Variants in ANKRD30BL observed in about 807,000 individuals in gnomAD.
ANKRD30BL encodes ankyrin repeat domain 30B like.
Under a neutral mutation model 18.4 loss-of-function variants are expected in ANKRD30BL, and 20 were observed. The observed-to-expected ratio is 1.09, with a 90% CI of 0.77 to 1.58. ANKRD30BL has a LOEUF of 1.58. ANKRD30BL is among the 40% of genes most tolerant of loss of function. The probability of loss-of-function intolerance (pLI) is 0.00; values close to 1 mark genes in which losing one functional copy is unlikely to be tolerated. For synonymous variants in ANKRD30BL, 72 were observed against 100.9 expected (o/e 0.71, Z 1.72); for missense variants, 224 against 268.6 (o/e 0.83, Z 1.16).
chr2:132,236,105 A>G (rs1680143493), intron 1 of ANKRD30BL, among the ~76,000 whole-genome samples: 1 of 152,124 alleles, frequency 6.6e-6, no homozygotes, highest in Admixed American at 6.6e-5. Context: ...TCCCTATTTA[A>G]TAAATGGTGC....
Position 132,222,698 on chromosome 2 carries a change from C to A in ANKRD30BL, n.441+34831G>T, listed in dbSNP as rs188536114. Among the ~76,000 whole-genome samples the A allele has an allele frequency of 3.1e-3, 465 of 151,862 alleles. 4 individuals carry two copies. The highest frequency in any genetic ancestry group is 1.4e-3 in the Non-Finnish European group (94 of 67,940). On this transcript the variant is annotated intron_variant and non_coding_transcript_variant, in intron 1 of 4. Coordinates refer to the ANKRD30BL transcript ENST00000470729. ...TAAGTACCCAGGGACACAAACATTG[C>A]GGAAGGCCGCAGGGTCCTCTGCCTA...
At chr2:132,220,195 C>A (rs1034055992) in intron 1 of ANKRD30BL, among the ~76,000 whole-genome samples, 2 of 152,114 alleles carry the variant, frequency 1.3e-5, no homozygotes, top group Non-Finnish European at 2.9e-5. Flanking sequence ...TAGAAGCATT[C>A]TCAGAAACTT....
chr2:132,202,033 A>C (rs1221008221), intron 1 of ANKRD30BL, among the ~76,000 whole-genome samples: 3 of 152,200 alleles, frequency 2.0e-5, no homozygotes, highest in Admixed American at 2.0e-4. Flanking sequence ...TCAGTAAACT[A>C]TCGCAAGAAC....
chr2:132,247,420 A>C (rs985062904), intron 1 of ANKRD30BL, among the ~76,000 whole-genome samples: 32 of 151,752 alleles, frequency 2.1e-4, no homozygotes, highest in Non-Finnish European at 3.8e-4. Flanking sequence ...CAGTTTTGAA[A>C]TTTCCTATTT....
At chr2:132,241,680 T>G (rs1324349070) in intron 1 of ANKRD30BL, among the ~76,000 whole-genome samples, 1 of 151,618 alleles carries the variant, frequency 6.6e-6, no homozygotes, top group African/African-American at 2.4e-5. Context: ...GAAACGGGAA[T>G]AGCTTCACAC....
chr2:132,191,898 C>A (rs183894799), intron 1 of ANKRD30BL, among the ~76,000 whole-genome samples: 2 of 151,884 alleles, frequency 1.3e-5, no homozygotes, highest in Non-Finnish European at 2.9e-5. Flanking sequence ...CTCACCACCA[C>A]GCCTGGCTAA....
chr2:132,204,692 A>G (rs1372276288), intron 1 of ANKRD30BL, among the ~76,000 whole-genome samples: 1 of 152,166 alleles, frequency 6.6e-6, no homozygotes, highest in Non-Finnish European at 1.5e-5. Context: ...GAAACAGCTG[A>G]ACTTAATAAT....
At chr2:132,171,736 G>A (rs1462733773) in intron 1 of ANKRD30BL, among the ~76,000 whole-genome samples, 1 of 152,040 alleles carries the variant, frequency 6.6e-6, no homozygotes, top group Non-Finnish European at 1.5e-5. Flanking sequence ...TACACATACT[G>A]TACAATTTAT....
chr2:132,213,811 G>T (rs979791438), intron 1 of ANKRD30BL, among the ~76,000 whole-genome samples: 2 of 151,358 alleles, frequency 1.3e-5, no homozygotes, highest in African/African-American at 2.4e-5. Context: ...GGAAAAGGAA[G>T]TAACTTCCCA....
intron 4 of ANKRD30BL, 65 bp from the exon 5 acceptor site, chr2:132,151,041 A>G (rs1359611076): frequency 2.0e-6 from 1 of 503,586 alleles, no homozygotes; most frequent in Admixed American, 3.8e-5. Flanking sequence ...TATTTACCAA[A>G]TTTATTACAT....
chr2:132,208,589 C>G (rs1363861202), intron 1 of ANKRD30BL, among the ~76,000 whole-genome samples: 1 of 151,990 alleles, frequency 6.6e-6, no homozygotes, highest in Non-Finnish European at 1.5e-5. Flanking sequence ...AGTGAAGACA[C>G]TCTGCCTGGA....
chr2:132,181,871 G>A (rs1688469518), intron 1 of ANKRD30BL, among the ~76,000 whole-genome samples: 1 of 152,074 alleles, frequency 6.6e-6, no homozygotes, highest in Admixed American at 6.5e-5. Flanking sequence ...CAACACTTTG[G>A]GAGGCCAAGG....
chr2:132,185,967 T>A (rs1476435558), intron 1 of ANKRD30BL, among the ~76,000 whole-genome samples: 1 of 151,854 alleles, frequency 6.6e-6, no homozygotes, highest in Non-Finnish European at 1.5e-5. Flanking sequence ...ATGGTAAAAC[T>A]CCATGTTTAC....
chr2:132,155,403 C>G (rs779692104), intron 3 of ANKRD30BL: 1 of 152,154 alleles, frequency 6.6e-6, no homozygotes, highest in Non-Finnish European at 1.5e-5. Flanking sequence ...CTGGCTGATA[C>G]AAACTCACTT....
chr2:132,174,967 CATT>C (rs1373935133), intron 1 of ANKRD30BL, among the ~76,000 whole-genome samples: 1 of 152,142 alleles, frequency 6.6e-6, no homozygotes. Context: ...TCAATACAAA[CATT>C]AGCCCCAAAT....
chr2:132,232,476 A>C (rs575020196), intron 1 of ANKRD30BL, among the ~76,000 whole-genome samples: 2 of 152,176 alleles, frequency 1.3e-5, no homozygotes, highest in Non-Finnish European at 2.9e-5. Context: ...TAACCAATAG[A>C]GAGAAGTGCT....
At chr2:132,218,906 T>C (rs147444484) in intron 1 of ANKRD30BL, among the ~76,000 whole-genome samples, 6 of 152,084 alleles carry the variant, frequency 3.9e-5, no homozygotes, top group Admixed American at 6.6e-5. Flanking sequence ...TTTTAAACAC[T>C]CTTTTTGTGG....
At chr2:132,181,255 C>A (rs1277813884) in intron 1 of ANKRD30BL, among the ~76,000 whole-genome samples, 1 of 151,988 alleles carries the variant, frequency 6.6e-6, no homozygotes, top group East Asian at 1.9e-4. Context: ...GGGCGGATTG[C>A]CTGAGCTCAG....
intron 4 of ANKRD30BL, 21 bp from the exon 5 acceptor site, chr2:132,150,997 A>T (rs1207635621): frequency 2.6e-5 from 15 of 586,676 alleles, no homozygotes; most frequent in Non-Finnish European, 3.9e-5. Flanking sequence ...AAATGAAATA[A>T]ATAAAATCAC....
Sources: gnomAD v4.1 joint callset for allele counts (sites outside exome capture counted in the v4.1 genomes callset) on GRCh38, gnomAD v4.1.1 for gene constraint, MANE v1.5 for transcripts, NCBI Gene and HGNC (gene_info 2026-07-23, HGNC 2026-07-21) for gene names.